Variants in TATDN3 observed in about 807,000 individuals in gnomAD.
The protein encoded by TATDN3 is TatD DNase domain containing 3, also known as deoxyribonuclease TATDN3.
A neutral mutation model predicts 40.1 loss-of-function variants in TATDN3; 29 were observed. The observed-to-expected ratio is 0.72, with a 90% confidence interval of 0.54 to 0.99. The LOEUF is 0.99. Among genes scored for constraint, TATDN3 ranks in the 50% least tolerant of loss-of-function variants. The pLI is 0.00. For missense variants in TATDN3, 309 were observed against 321.9 expected (o/e 0.96, Z 0.31); for synonymous variants, 105 against 117.0 (o/e 0.90, Z 0.66).
At chr1:212,796,640 A>G in intron 3 of TATDN3, 50 bp downstream of exon 3, 1 of 1,300,090 alleles carries the variant, frequency 7.7e-7, no homozygotes. Context: ...GAACACAGTT[A>G]TGACATCCAG....
intron 8 of TATDN3, among the ~76,000 whole-genome samples, chr1:212,809,671 C>T (rs1397314280): frequency 2.9e-5 from 4 of 139,380 alleles, no homozygotes; most frequent in Non-Finnish European, 6.2e-5. Flanking sequence ...GGTGACAGAG[C>T]GAGACTCCGT....
intron 8 of TATDN3, 126 bp from the exon 9 acceptor site, chr1:212,812,122 C>T (rs532077350): frequency 3.0e-4 from 179 of 589,368 alleles, no homozygotes; most frequent in South Asian, 2.5e-3. Flanking sequence ...CGTGAGCCAC[C>T]GCGCCCAGCC....
intron 8 of TATDN3, among the ~76,000 whole-genome samples, chr1:212,810,598 G>A (rs1221382230): frequency 1.3e-5 from 2 of 151,632 alleles, no homozygotes; most frequent in Non-Finnish European, 2.9e-5. Context: ...GAGGTGGGAG[G>A]ATGTCTTCAG....
chr1:212,813,772 G>T (rs1047125622), intron 9 of TATDN3, among the ~76,000 whole-genome samples: 32 of 151,534 alleles, frequency 2.1e-4, no homozygotes, highest in African/African-American at 6.5e-4. Flanking sequence ...GTGCAGTGGC[G>T]CAATCTCAGC....
chr1:212,793,426 C>G (rs1246483326), intron 1 of TATDN3, among the ~76,000 whole-genome samples: 2 of 152,096 alleles, frequency 1.3e-5, no homozygotes. Context: ...GTTGTCCAGG[C>G]TGGTCTTGAA....
Position 212,802,320 on chromosome 1 carries a change from C to G in TATDN3, c.259-381C>G, listed in dbSNP as rs374647294. Among the ~76,000 whole-genome samples the G allele has an allele frequency of 2.4e-4, 37 of 152,310 alleles. No individual in the cohort carries two copies. In the East Asian group the frequency reaches 6.0e-3, roughly 25 times the overall value. ...AACCAGACGAATTCTAAGGGGAGAA[C>G]ACAACAATGCAATCGCAAAGCTCAC... On this transcript the variant is annotated intron_variant, in intron 4 of 9. Coordinates refer to ENST00000366974, the MANE Select transcript of TATDN3 (RefSeq NM_001042552.3).
At chr1:212,793,475 A>G (rs763421710) in intron 1 of TATDN3, among the ~76,000 whole-genome samples, 5 of 152,130 alleles carry the variant, frequency 3.3e-5, no homozygotes, top group Non-Finnish European at 5.9e-5. Flanking sequence ...TGGCCTCCCA[A>G]AGTCCTGGGA....
Position 212,816,194 on chromosome 1 carries a change from G to C in TATDN3, c.*1038G>C, listed in dbSNP as rs1331116325. ...TATTTTTAAGTTTAAAAATGTTAGT[G>C]TAAGCCAGGCACAGTGGCATTCACC... is the stretch of plus-strand genomic sequence containing the variant. On this transcript the variant is annotated 3_prime_UTR_variant, in exon 10 of 10. Coordinates refer to ENST00000366974, the MANE Select transcript of TATDN3 (RefSeq NM_001042552.3). 1 of 152,172 alleles carries C rather than the reference G, an allele frequency of 6.6e-6. No individual in the cohort carries two copies. The highest frequency in any genetic ancestry group is 1.9e-4 in the East Asian group (1 of 5,204). The allele number at this position is 152,172 out of a possible 1,614,324, so 9.4% of individuals were successfully genotyped here. A position where few individuals can be genotyped will look rare whatever the true frequency, so the allele number is the denominator to read the frequency against.
chr1:212,794,144 G>A (rs1378202045), intron 1 of TATDN3, among the ~76,000 whole-genome samples: 2 of 152,070 alleles, frequency 1.3e-5, no homozygotes, highest in Non-Finnish European at 2.9e-5. Context: ...AGCTGGGCAT[G>A]GCAGCATGTG....
chr1:212,806,775 TATATATATAC>T lies in TATDN3; in HGVS notation c.488-959_488-950del, dbSNP rs1389341024. ...ATATATATATATATATATATATATA[TATATATATAC>T]ACACACACACACACATATATACACA... On this transcript the variant is annotated intron_variant, in intron 7 of 9. Coordinates refer to ENST00000366974, the MANE Select transcript of TATDN3 (RefSeq NM_001042552.3). Among the ~76,000 whole-genome samples the T allele has an allele frequency of 9.3e-5, 10 of 107,010 alleles. 2 individuals are homozygous for T. In the South Asian group the frequency reaches 1.6e-3, roughly 17 times the overall value. 70.2% of individuals were successfully genotyped at this position (107,010 alleles called of 152,430 possible).
intron 8 of TATDN3, 28 bp from the exon 9 acceptor site, chr1:212,812,220 A>C (rs779421862): frequency 6.9e-7 from 1 of 1,448,668 alleles, no homozygotes; most frequent in South Asian, 1.2e-5. Flanking sequence ...TCATGTTTTA[A>C]ACTTAGCTGC....
intron 5 of TATDN3, among the ~76,000 whole-genome samples, 184 bp from the exon 6 acceptor site, chr1:212,804,136 A>T (rs1277670672): frequency 6.6e-6 from 1 of 152,184 alleles, no homozygotes; most frequent in African/African-American, 2.4e-5. Context: ...GTTAAAGTAT[A>T]TTATTAAGAT....
At position 212,797,097 on chromosome 1, in the gene TATDN3, G is replaced by T. The variant is rs75063374; in HGVS notation, c.174-15G>T. 3.1e-6 allele frequency: 5 copies of T among 1,607,940 alleles called. No homozygotes were observed. The highest frequency in any genetic ancestry group is 1.1e-5 in the South Asian group (1 of 90,932). On this transcript the variant is annotated splice_polypyrimidine_tract_variant and intron_variant, in intron 3 of 9. Coordinates refer to ENST00000366974, the MANE Select transcript of TATDN3 (RefSeq NM_001042552.3). The stretch of plus-strand genomic sequence containing the variant: ...TCTACTGTTCCTGCTTTCTCAGTTG[G>T]TTCTACATTTTTAGGTATAATGGGT...
At chr1:212,814,134 A>G (rs1663065393) in intron 9 of TATDN3, among the ~76,000 whole-genome samples, 1 of 152,080 alleles carries the variant, frequency 6.6e-6, no homozygotes. Context: ...CTCTGTATAT[A>G]TTAATAAACA....
chr1:212,815,396 TA>T lies in TATDN3; in HGVS notation c.*241del, dbSNP rs1663128745. The T allele has an allele frequency of 9.5e-6, 4 of 420,460 alleles. No individual in the cohort carries two copies. The highest frequency in any genetic ancestry group is 2.0e-5 in the African/African-American group (1 of 49,200). 26.0% of individuals were successfully genotyped at this position (420,460 alleles called of 1,614,324 possible). On this transcript the variant is annotated 3_prime_UTR_variant, in exon 10 of 10. Transcript: ENST00000366974. ...GAGTTCTGGCAGGATATTGGGAAAA[TA>T]CTGCTACTTCTTACATTGCCCTTTT...
chr1:212,809,621 C>CCA (rs1331739786), intron 8 of TATDN3, among the ~76,000 whole-genome samples: 1 of 151,618 alleles, frequency 6.6e-6, no homozygotes, highest in Non-Finnish European at 1.5e-5. Context: ...GGGGGCAGAG[C>CCA]CTGCAGTGAG....
At chr1:212,802,353 G>A (rs1051711578) in intron 4 of TATDN3, among the ~76,000 whole-genome samples, 59 of 152,326 alleles carry the variant, frequency 3.9e-4, no homozygotes, top group African/African-American at 1.3e-3. Flanking sequence ...CACATGCAGA[G>A]ATGACTCCCT....
At chr1:212,792,516 T>C (rs1011182077) in intron 1 of TATDN3, among the ~76,000 whole-genome samples, 1 of 144,960 alleles carries the variant, frequency 6.9e-6, no homozygotes, top group Non-Finnish European at 1.5e-5. Context: ...TTGCCTGTGG[T>C]CCCAGCTACT....
intron 8 of TATDN3, 37 bp from the exon 9 acceptor site, chr1:212,812,211 C>T (rs75527609): frequency 0.027 from 36,331 of 1,329,382 alleles, 591 homozygotes; most frequent in South Asian, 0.041. Context: ...CTTTATTTCT[C>T]ATGTTTTAAA....
Sources: allele counts gnomAD v4.1 joint callset (sites outside exome capture counted in the v4.1 genomes callset), GRCh38; gene constraint gnomAD v4.1.1; transcripts MANE v1.5; gene names NCBI Gene and HGNC (gene_info 2026-07-23, HGNC 2026-07-21).